Variants in FLNC observed in about 807,000 individuals in gnomAD.
The protein encoded by FLNC is filamin-C.
In FLNC, 91 loss-of-function variants were observed where a neutral mutation model predicts 254.3. That is an observed-to-expected ratio of 0.36 (90% CI 0.30 to 0.43). The LOEUF is 0.43. FLNC is among the 20% of genes least tolerant of loss of function. FLNC has a pLI of 1.00. For synonymous variants in FLNC, 1,430 were observed against 1,577.2 expected (o/e 0.91, Z 2.21); for missense variants, 2,853 against 3,802.6 (o/e 0.75, Z 6.57).
At position 128,846,878 on chromosome 7, in the gene FLNC, A is replaced by G; in HGVS notation, c.4261A>G (p.Ile1421Val). Residue 1421 changes from isoleucine to valine, a missense_variant, in exon 24 of 48, where the codon ATC (isoleucine) becomes GTC (valine). By Grantham distance (29) the Ile-to-Val change is conservative (BLOSUM62 3). Around this residue, in one of 10 missense-constraint regions of FLNC, gnomAD observed 1,573 missense variants for 1,883.5 expected, o/e 0.84. Coordinates refer to ENST00000325888, the MANE Select transcript of FLNC (RefSeq NM_001458.5). The stretch of plus-strand genomic sequence containing the variant: ...CACTCCTGGAGACTATGACGTCAAC[A>G]TCACCTTCGGGGGGCGGCCCATCCC... ...PFTPGDYDVN[I>V]TFGGRPIPGS... 2 of 1,614,226 alleles carry G rather than the reference A, an allele frequency of 1.2e-6. No individual in the cohort carries two copies. Among genetic ancestry groups the G allele is most frequent in the African/African-American group, 1.3e-5 (1 of 75,060 alleles).
chr7:128,854,452 G>GC lies in FLNC; in HGVS notation c.6770dup (p.Ser2258IlefsTer54). 1 of 1,609,842 alleles carries GC rather than the reference G, an allele frequency of 6.2e-7. No individual in the cohort carries two copies. The highest frequency in any genetic ancestry group is 1.3e-5 in the African/African-American group (1 of 75,026). On this transcript the variant is annotated frameshift_variant, in exon 41 of 48. Coordinates refer to ENST00000325888, the MANE Select transcript of FLNC (RefSeq NM_001458.5). LOFTEE classifies it high-confidence loss of function. Reference sequence around the variant, plus strand: ...CAGGACATGACTGCACAGGTGACCAGCCCATCGGGCAAGGTGGAAGCCGCA... The same window carrying GC: ...CAGGACATGACTGCACAGGTGACCAGCCCCATCGGGCAAGGTGGAAGCCGCA...
chr7:128,843,826 G>A lies in FLNC; in HGVS notation c.2842G>A (p.Gly948Arg), dbSNP rs768103657. 5.4e-5 allele frequency: 87 copies of A among 1,613,710 alleles called. No individual in the cohort carries two copies. Among genetic ancestry groups the A allele is most frequent in the Non-Finnish European group, 7.1e-5 (84 of 1,180,002 alleles). ...GNMAVTVTYG[G>R]DPVPKSPFVV... ...CATGGCAGTGACAGTGACTTATGGC[G>A]GGGACCCTGTCCCCAAGAGCCCCTT... The change falls in exon 19 of 48, where the codon GGG (glycine) becomes AGG (arginine). Residue 948 changes from glycine (G) to arginine (R), a missense_variant. By Grantham distance (125) the Gly-to-Arg change is moderately radical (BLOSUM62 -2). Coordinates refer to ENST00000325888, the MANE Select transcript of FLNC (RefSeq NM_001458.5).
chr7:128,856,560 C>A lies in FLNC; in HGVS notation c.7294C>A (p.Gln2432Lys). Reference sequence around the variant, plus strand: ...GAACCAGCCAGCGTCCTTTGCCGTGCAGCTGAACGGTGCCCGGGGCGTGAT... The same window carrying A: ...GAACCAGCCAGCGTCCTTTGCCGTGAAGCTGAACGGTGCCCGGGGCGTGAT... ...KVNQPASFAV[Q>K]LNGARGVIDA... Residue 2432 changes from glutamine to lysine, a missense_variant, in exon 44 of 48, where the codon CAG becomes AAG. Physicochemically the swap from Gln to Lys is moderately conservative, Grantham distance 53. Transcript: ENST00000325888. The surrounding 1 kb of genome is among the most constrained non-coding windows in gnomAD (Gnocchi z 5.9). 6.2e-7 allele frequency: 1 copy of A among 1,613,006 alleles called. No homozygotes were observed. The highest frequency in any genetic ancestry group is 1.6e-4 in the Middle Eastern group (1 of 6,062).
intron 31 of FLNC, 55 bp from the exon 32 acceptor site, chr7:128,850,317 AGTCATAGCATGG>A: frequency 1.5e-6 from 2 of 1,307,566 alleles, no homozygotes; most frequent in Non-Finnish European, 2.2e-6. Context: ...CTCCAGCTTC[AGTCATAGCATGG>A]GTCAAACTCC....
chr7:128,854,986 A>G (rs942529228), intron 42 of FLNC, 74 bp downstream of exon 42: 2 of 1,542,138 alleles, frequency 1.3e-6, no homozygotes, highest in African/African-American at 2.7e-5. Flanking sequence ...CTGGCCAGGC[A>G]GGAGATGCTT....
chr7:128,838,507 C>A, intron 7 of FLNC, 78 bp downstream of exon 7: 1 of 1,569,998 alleles, frequency 6.4e-7, no homozygotes, highest in Middle Eastern at 2.0e-4. Context: ...GAGGCTGGGA[C>A]AGGGATGCCA....
In FLNC at chr7:128,844,132, G is replaced by A. The variant is rs2128936185; in HGVS notation, c.3058G>A (p.Gly1020Arg). 8 of 1,613,962 alleles carry A rather than the reference G, an allele frequency of 5.0e-6. No individual in the cohort carries two copies. The highest frequency in any genetic ancestry group is 5.9e-6 in the Non-Finnish European group (7 of 1,180,036). Reference protein sequence around the residue: ...PIPCKLEPGGGAEAQAVRYMP... With the variant: ...PIPCKLEPGGRAEAQAVRYMP... ...CCCCTGCAAGCTGGAGCCAGGCGGT[G>A]GAGCGGAAGCCCAGGCTGTGCGCTA... Residue 1020 changes from glycine to arginine, a missense_variant, in exon 20 of 48, where the codon GGA becomes AGA. Gly to Arg is a moderately radical substitution (Grantham distance 125, BLOSUM62 -2). Coordinates refer to ENST00000325888, the MANE Select transcript of FLNC (RefSeq NM_001458.5).
Position 128,841,113 on chromosome 7 carries a change from G to C in FLNC, c.1814-57G>C. ...ATGAGGGCAGCTAGAGGGGAGCTGG[G>C]GGACGGAAGGGTCTTGCCTGATGCT... On this transcript the variant is annotated intron_variant, in intron 11 of 47. Transcript: ENST00000325888. This position sits in a 1 kb window ranked among gnomAD's most constrained non-coding sequence, Gnocchi z 4.3. The C allele has an allele frequency of 6.3e-7, 1 of 1,598,510 alleles. No homozygotes were observed. The highest frequency in any genetic ancestry group is 1.1e-5 in the South Asian group (1 of 90,236).
chr7:128,845,189 G>A lies in FLNC; in HGVS notation c.3724G>A (p.Val1242Ile). Residue 1242 changes from valine (V) to isoleucine (I), a missense_variant, in exon 21 of 48, where the codon GTC becomes ATC. Coordinates refer to ENST00000325888, the MANE Select transcript of FLNC (RefSeq NM_001458.5). ...TCCCGTGCCCAAATTCCCCACCCGT[G>A]TCCATGTGCAGCCTGCGGTCGATAC... The part of the protein sequence containing the change: ...GHPVPKFPTR[V>I]HVQPAVDTSG... The A allele has an allele frequency of 1.2e-6, 2 of 1,613,942 alleles. No individual in the cohort carries two copies. The highest frequency in any genetic ancestry group is 2.2e-5 in the South Asian group (2 of 91,078).
rs547746514 is a variant in FLNC at position 128,831,281 on chromosome 7, C to T, written c.352+292C>T. On this transcript the variant is annotated intron_variant, in intron 1 of 47. Coordinates refer to ENST00000325888, the MANE Select transcript of FLNC (RefSeq NM_001458.5). ...TCCCCATGCACATTCCCACCTCCCG[C>T]CTCGGCTCACCGTTCCCTTTCCTTC... Among the ~76,000 whole-genome samples the T allele has an allele frequency of 9.2e-5, 14 of 152,358 alleles. No individual in the cohort carries two copies. In the South Asian group the frequency reaches 2.9e-3, roughly 32 times the overall value.
In FLNC at chr7:128,842,284, C is replaced by G. The variant is rs957405389; in HGVS notation, c.2175C>G (p.Thr725=). 2 of 1,613,730 alleles carry G rather than the reference C, an allele frequency of 1.2e-6. No homozygotes were observed. The highest frequency in any genetic ancestry group is 2.7e-5 in the African/African-American group (2 of 74,940). The change falls in exon 14 of 48, where the codon ACC becomes ACG. Residue 725 remains threonine (T), a synonymous_variant. Transcript: ENST00000325888. The surrounding 1 kb of genome is among the most constrained non-coding windows in gnomAD (Gnocchi z 5.4). ...DIKVIPNGDG[T]FRCSYVPTKP... The stretch of plus-strand genomic sequence containing the variant: ...AGGTGATCCCCAACGGCGACGGCAC[C>G]TTCCGCTGCTCCTACGTGCCCACCA...
In FLNC at chr7:128,854,222, C is replaced by T. The variant is rs1808954048; in HGVS notation, c.6727+6C>T. 6.2e-7 allele frequency: 1 copy of T among 1,606,158 alleles called. No homozygotes were observed. The highest frequency in any genetic ancestry group is 1.7e-5 in the Admixed American group (1 of 59,852). On this transcript the variant is annotated splice_donor_region_variant and intron_variant, in intron 40 of 47. Transcript: ENST00000325888. The stretch of plus-strand genomic sequence containing the variant: ...CATCACCCGGCAGCAGGAGGGTGAG[C>T]ACCGCACACTGGGCCGGCCGGGTCC...
intron 7 of FLNC, 40 bp from the exon 8 acceptor site, chr7:128,838,563 G>A (rs1248105067): frequency 1.9e-6 from 3 of 1,611,346 alleles, no homozygotes; most frequent in South Asian, 2.2e-5. Context: ...GGGCAGCTGT[G>A]TGTGTCCAGA....
At position 128,856,843 on chromosome 7, in the gene FLNC, C is replaced by T. The variant is rs374925943; in HGVS notation, c.7483C>T (p.Arg2495Cys). 5 of 1,614,184 alleles carry T rather than the reference C, an allele frequency of 3.1e-6. No homozygotes were observed. Among genetic ancestry groups the T allele is most frequent in the African/African-American group, 1.3e-5 (1 of 75,036 alleles). ...AHIPGSPFKI[R>C]VGEQSQAGDP... ...CATCCCTGGAAGTCCCTTCAAGATCCGCGTTGGGGAGCAGAGCCAGGCTGG... is the reference window on the plus strand; with the variant it reads ...CATCCCTGGAAGTCCCTTCAAGATCTGCGTTGGGGAGCAGAGCCAGGCTGG... Residue 2495 changes from arginine to cysteine, a missense_variant, in exon 45 of 48, where the codon CGC becomes TGC. By Grantham distance (180) the Arg-to-Cys change is radical. Coordinates refer to ENST00000325888, the MANE Select transcript of FLNC (RefSeq NM_001458.5). This position sits in a 1 kb window ranked among gnomAD's most constrained non-coding sequence, Gnocchi z 5.9.
rs761006044 is a variant in FLNC at position 128,856,809 on chromosome 7, C to T, written c.7449C>T (p.Asn2483=). Residue 2483 remains asparagine, a synonymous_variant, in exon 45 of 48, where the codon AAC becomes AAT. Transcript: ENST00000325888. The surrounding 1 kb of genome is among the most constrained non-coding windows in gnomAD (Gnocchi z 5.9). ...TCCACTCCATCGATGTCAAGTTCAA[C>T]GGTGCCCACATCCCTGGAAGTCCCT... The part of the protein sequence containing the change: ...NGVHSIDVKF[N]GAHIPGSPFK... 29 of 1,614,108 alleles carry T rather than the reference C, an allele frequency of 1.8e-5. No individual in the cohort carries two copies. The highest frequency in any genetic ancestry group is 4.4e-5 in the South Asian group (4 of 91,090).
intron 42 of FLNC, 54 bp downstream of exon 42, chr7:128,854,966 TTTCTGCCCACTGGC>T: frequency 6.3e-7 from 1 of 1,599,956 alleles, no homozygotes. Flanking sequence ...CCAGACTGGG[TTTCTGCCCACTGGC>T]CAGGCAGGAG....
intron 37 of FLNC, 184 bp downstream of exon 37, chr7:128,853,215 C>T (rs763933953): frequency 1.0e-4 from 74 of 725,578 alleles, no homozygotes; most frequent in Non-Finnish European, 1.6e-4. Flanking sequence ...AGTTCTCTCC[C>T]TTTTAAGAGA....
chr7:128,839,238 T>TCGC (rs1007306635), intron 8 of FLNC, among the ~76,000 whole-genome samples: 1 of 152,214 alleles, frequency 6.6e-6, no homozygotes, highest in African/African-American at 2.4e-5. Flanking sequence ...CCGTGTGGAA[T>TCGC]CGCCCCCCCT....
At chr7:128,846,667 C>A in intron 23 of FLNC, 78 bp from the exon 24 acceptor site, 1 of 1,480,910 alleles carries the variant, frequency 6.8e-7, no homozygotes, top group Non-Finnish European at 9.2e-7. Flanking sequence ...CCTCTTTCCT[C>A]CCTGTCCCCC....
Sources: allele counts gnomAD v4.1 joint callset (sites outside exome capture counted in the v4.1 genomes callset), GRCh38; gene constraint gnomAD v4.1.1; regional missense constraint gnomAD v4.1.1; non-coding constraint Gnocchi (gnomAD v3.1); transcripts MANE v1.5; gene names NCBI Gene and HGNC (gene_info 2026-07-23, HGNC 2026-07-21).